Variants in PLCB1 observed in about 807,000 individuals in gnomAD.
PLCB1 encodes 1-phosphatidylinositol 4,5-bisphosphate phosphodiesterase beta-1.
Under a neutral mutation model 161.8 loss-of-function variants are expected in PLCB1, and 46 were observed. The ratio of observed to expected loss-of-function variants is 0.28; its 90% CI spans 0.22 to 0.36. The LOEUF is 0.36. PLCB1 is among the 10% of genes least tolerant of loss of function. The probability of loss-of-function intolerance (pLI) is 1.00; values close to 1 mark genes in which losing one functional copy is unlikely to be tolerated. For missense variants in PLCB1, 1,016 were observed against 1,472.5 expected, an observed-to-expected ratio of 0.69 and a Z score of 5.07; for synonymous variants, 517 against 503.7, an observed-to-expected ratio of 1.03 and a Z score of -0.35.
At chr20:8,438,665 C>A (rs1330095958) in intron 3 of PLCB1, among the ~76,000 whole-genome samples, 1 of 152,206 alleles carries the variant, frequency 6.6e-6, no homozygotes, top group Non-Finnish European at 1.5e-5. Flanking sequence ...CAGACGACTG[C>A]AGTTCCTGGC....
chr20:8,340,567 C>T (rs1219900007), intron 2 of PLCB1, among the ~76,000 whole-genome samples: 3 of 151,990 alleles, frequency 2.0e-5, no homozygotes, highest in Admixed American at 6.6e-5. Flanking sequence ...GGACTACAGG[C>T]GCCCGCCACC....
At chr20:8,149,336 T>C (rs995639687) in intron 1 of PLCB1, among the ~76,000 whole-genome samples, 2 of 152,126 alleles carry the variant, frequency 1.3e-5, no homozygotes, top group Admixed American at 6.6e-5. Context: ...CCAGAGAACA[T>C]TTTCCAGAAC....
intron 2 of PLCB1, among the ~76,000 whole-genome samples, chr20:8,255,772 C>T (rs1462428718): frequency 1.3e-5 from 2 of 151,746 alleles, no homozygotes; most frequent in East Asian, 3.9e-4. Flanking sequence ...AATAAATTGT[C>T]GATATTCAAA....
chr20:8,608,876 C>A (rs1438349407), intron 3 of PLCB1, among the ~76,000 whole-genome samples: 2 of 152,078 alleles, frequency 1.3e-5, no homozygotes, highest in Non-Finnish European at 2.9e-5. Flanking sequence ...CAGAAGACTG[C>A]AGCAATCATC....
intron 10 of PLCB1, among the ~76,000 whole-genome samples, chr20:8,697,293 A>G (rs929672671): frequency 6.6e-6 from 1 of 152,314 alleles, no homozygotes; most frequent in South Asian, 2.1e-4. Context: ...GTATTTTTTT[A>G]TTAAATAGTT....
At chr20:8,275,566 T>G (rs1200172175) in intron 2 of PLCB1, among the ~76,000 whole-genome samples, 1 of 152,192 alleles carries the variant, frequency 6.6e-6, no homozygotes, top group Non-Finnish European at 1.5e-5. Flanking sequence ...CCTAGAAATT[T>G]CTGTTATTTT....
intron 3 of PLCB1, among the ~76,000 whole-genome samples, chr20:8,563,053 T>C (rs1211794467): frequency 6.6e-6 from 1 of 152,028 alleles, no homozygotes; most frequent in Non-Finnish European, 1.5e-5. Flanking sequence ...ACTTATAGTA[T>C]GTAGATGTAT....
At chr20:8,312,714 T>C (rs1410007035) in intron 2 of PLCB1, among the ~76,000 whole-genome samples, 2 of 152,144 alleles carry the variant, frequency 1.3e-5, no homozygotes, top group Non-Finnish European at 2.9e-5. Context: ...ACCCATTCCA[T>C]CTGTAGAACT....
chr20:8,716,985 A>G (rs112430863), intron 13 of PLCB1, among the ~76,000 whole-genome samples: 127 of 152,342 alleles, frequency 8.3e-4, no homozygotes, highest in African/African-American at 2.9e-3. Flanking sequence ...AGATTTTCTT[A>G]AAGTAACCTA....
intron 3 of PLCB1, among the ~76,000 whole-genome samples, chr20:8,626,550 G>A (rs866663550): frequency 1.2e-4 from 18 of 152,130 alleles, no homozygotes; most frequent in East Asian, 5.8e-4. Context: ...GAAAAAAGCC[G>A]GAGAATGAGT....
At chr20:8,571,914 A>G (rs529194326) in intron 3 of PLCB1, among the ~76,000 whole-genome samples, 26 of 152,320 alleles carry the variant, frequency 1.7e-4, no homozygotes, top group Admixed American at 7.8e-4. Context: ...CCAAAAAGCA[A>G]TGGGGGAAGT....
intron 31 of PLCB1, among the ~76,000 whole-genome samples, chr20:8,798,574 A>ACG (rs1491423744): frequency 3.8e-4 from 1 of 2,612 alleles, no homozygotes; most frequent in African/African-American, 4.9e-4. Flanking sequence ...ATACACACAT[A>ACG]CACACACACA....
At position 8,333,112 on chromosome 20, in the gene PLCB1, G is replaced by A. The variant is rs760269285; in HGVS notation, c.178-38270G>A. Among the ~76,000 whole-genome samples the A allele has an allele frequency of 3.1e-4, 47 of 152,158 alleles. 1 individual carries two copies. Among genetic ancestry groups the A allele is most frequent in the Non-Finnish European group, 1.2e-4 (8 of 68,032 alleles). On this transcript the variant is annotated intron_variant, in intron 2 of 31. Transcript: ENST00000338037. ...CAGGATGACATGGTTACAGAGATGCGCTTTCCTCACCATCCTTTCCCCAGT... is the reference window on the plus strand; with the variant it reads ...CAGGATGACATGGTTACAGAGATGCACTTTCCTCACCATCCTTTCCCCAGT...
chr20:8,808,807 G>C (rs1452062687), intron 31 of PLCB1, among the ~76,000 whole-genome samples: 2 of 152,108 alleles, frequency 1.3e-5, no homozygotes, highest in Admixed American at 1.3e-4. Flanking sequence ...TGGTGAGCTG[G>C]AGCTTACTAT....
chr20:8,764,286 T>C (rs1023170291), intron 25 of PLCB1, among the ~76,000 whole-genome samples: 1 of 152,234 alleles, frequency 6.6e-6, no homozygotes, highest in African/African-American at 2.4e-5. Flanking sequence ...TACTGCTATA[T>C]GCTTTTATGA....
intron 31 of PLCB1, among the ~76,000 whole-genome samples, chr20:8,859,893 T>C (rs1987197879): frequency 6.6e-6 from 1 of 152,186 alleles, no homozygotes; most frequent in South Asian, 2.1e-4. Context: ...ATAATACATA[T>C]TAATCTTGCC....
chr20:8,526,214 A>G (rs1199490471), intron 3 of PLCB1, among the ~76,000 whole-genome samples: 3 of 152,108 alleles, frequency 2.0e-5, no homozygotes, highest in Non-Finnish European at 2.9e-5. Context: ...ATTTATATTT[A>G]AAAAAAGGTT....
intron 3 of PLCB1, among the ~76,000 whole-genome samples, chr20:8,435,043 C>T (rs1320077426): frequency 6.6e-6 from 1 of 152,162 alleles, no homozygotes; most frequent in Non-Finnish European, 1.5e-5. Context: ...TGGTGTATAA[C>T]ATGCCTGCAG....
chr20:8,526,022 T>A lies in PLCB1; in HGVS notation c.247-102272T>A, dbSNP rs149657088. Among the ~76,000 whole-genome samples the A allele has an allele frequency of 2.0e-5, 3 of 152,224 alleles. No homozygotes were observed. The East Asian group carries it at 5.8e-4, about 29-fold the overall frequency. ...AATAGTTGTTACTTTTGGAGCGGGA[T>A]AGTAACCAGGATAGGGCATATGAGT... On this transcript the variant is annotated intron_variant, in intron 3 of 31. Coordinates refer to ENST00000338037, the MANE Select transcript of PLCB1 (RefSeq NM_015192.4).
Sources: gnomAD v4.1 joint callset for allele counts (sites outside exome capture counted in the v4.1 genomes callset) on GRCh38, gnomAD v4.1.1 for gene constraint, MANE v1.5 for transcripts, NCBI Gene and HGNC (gene_info 2026-07-23, HGNC 2026-07-21) for gene names.